Variants in RNASE10 observed in about 807,000 individuals in gnomAD.
RNASE10 encodes the protein ribonuclease A family member 10 (inactive).
Under a neutral mutation model 1.1 loss-of-function variants are expected in RNASE10, and 2 were observed. The ratio of observed to expected loss-of-function variants is 1.82; its 90% CI spans 0.74 to 5.73. The LOEUF is 5.73. RNASE10 is among the 30% of genes most tolerant of loss of function. The probability of loss-of-function intolerance (pLI) is 0.05; values close to 1 mark genes in which losing one functional copy is unlikely to be tolerated. For missense variants in RNASE10, 276 were observed against 263.4 expected (o/e 1.05, Z -0.33); for synonymous variants, 97 against 96.2 (o/e 1.01, Z -0.05).
At chr14:20,509,045 A>T (rs1041878303) in intron 1 of RNASE10, among the ~76,000 whole-genome samples, 1 of 152,076 alleles carries the variant, frequency 6.6e-6, no homozygotes, top group African/African-American at 2.4e-5. Flanking sequence ...CAAGACAAAG[A>T]TGCATGCTCA....
At chr14:20,511,511 A>G (rs1438757375), downstream of RNASE10, among the ~76,000 whole-genome samples, 1 of 152,178 alleles carries the variant, frequency 6.6e-6, no homozygotes, top group African/African-American at 2.4e-5. Context: ...CAACAATCAC[A>G]TAAGACTCTT....
chr14:20,510,572 T>C, exon 2 of RNASE10: 1 of 1,614,160 alleles, frequency 6.2e-7, no homozygotes. Context: ...ACAGCAGTCT[T>C]GGAGGAGAGT....
chr14:20,506,329 C>T (rs1361690025), intron 1 of RNASE10, among the ~76,000 whole-genome samples: 13 of 126,074 alleles, frequency 1.0e-4, no homozygotes, highest in Admixed American at 3.0e-4. Flanking sequence ...GTCAGCCCCC[C>T]GCCCGGCCAG....
At chr14:20,504,272 C>T (rs553906785), upstream of RNASE10, among the ~76,000 whole-genome samples, 41 of 152,204 alleles carry the variant, frequency 2.7e-4, no homozygotes, top group Admixed American at 7.9e-4. Context: ...GCACTGCTCA[C>T]GAAGAAGGAA....
At position 20,510,465 on chromosome 14, in the gene RNASE10, A is replaced by C. The variant is rs1882866112; in HGVS notation, c.80-2A>C. 5.6e-6 allele frequency: 9 copies of C among 1,603,392 alleles called. No homozygotes were observed. The highest frequency in any genetic ancestry group is 7.7e-6 in the Non-Finnish European group (9 of 1,175,870). ...TTCTTCCATTTCCCGCTTCCTCTCC[A>C]GGCAAAATGAAGCTGAATCTGGTGC... On this transcript the variant is annotated splice_acceptor_variant, in intron 1 of 1. Coordinates refer to ENST00000430083, the Ensembl canonical transcript of RNASE10. LOFTEE classifies it high-confidence loss of function.
upstream of RNASE10, among the ~76,000 whole-genome samples, chr14:20,505,000 G>A (rs1413297971): frequency 6.6e-6 from 1 of 151,964 alleles, no homozygotes; most frequent in Non-Finnish European, 1.5e-5. Context: ...ATGAAAAAGC[G>A]TTATCTGATC....
chr14:20,506,439 A>T (rs1321630159), intron 1 of RNASE10, among the ~76,000 whole-genome samples: 10 of 67,006 alleles, frequency 1.5e-4, no homozygotes, highest in Non-Finnish European at 2.5e-4. Context: ...GGGAGGGGGG[A>T]GGGGGGGTCA....
chr14:20,513,561 T>C (rs1882946942), downstream of RNASE10, among the ~76,000 whole-genome samples: 5 of 152,318 alleles, frequency 3.3e-5, no homozygotes, highest in South Asian at 1.0e-3. Flanking sequence ...AAAGTTTTTT[T>C]CAAAGTGGCC....
chr14:20,508,968 T>G (rs1882826741), intron 1 of RNASE10, among the ~76,000 whole-genome samples: 1 of 152,150 alleles, frequency 6.6e-6, no homozygotes, highest in Admixed American at 6.5e-5. Flanking sequence ...ATAATGTTCT[T>G]CATAGCAATT....
intron 1 of RNASE10, among the ~76,000 whole-genome samples, chr14:20,508,461 A>G (rs577663718): frequency 1.3e-5 from 2 of 152,300 alleles, no homozygotes; most frequent in East Asian, 1.9e-4. Context: ...TCCATGTTGT[A>G]GACACCACCC....
At chr14:20,510,337 GGTAGA>G (rs1882861981) in intron 1 of RNASE10, 125 bp from the exon 2 acceptor site, 6 of 1,363,048 alleles carry the variant, frequency 4.4e-6, no homozygotes, top group African/African-American at 1.5e-5. Context: ...CCTTGAAGAG[GGTAGA>G]GTAATGTGCA....
chr14:20,506,311 TGG>T (rs377620910), intron 1 of RNASE10, among the ~76,000 whole-genome samples: 1 of 81,552 alleles, frequency 1.2e-5, no homozygotes, highest in South Asian at 5.2e-4. Context: ...GGGAGGGAGG[TGG>T]GGGGGGTCAG....
chr14:20,510,813 G>C (rs1366504618), exon 2 of RNASE10: 2 of 1,614,170 alleles, frequency 1.2e-6, no homozygotes, highest in South Asian at 2.2e-5. Flanking sequence ...GGCTTGACCA[G>C]ACAGATAGAG....
upstream of RNASE10, among the ~76,000 whole-genome samples, chr14:20,504,667 G>C (rs977506133): frequency 1.6e-5 from 2 of 127,190 alleles, no homozygotes; most frequent in African/African-American, 6.1e-5. Flanking sequence ...CAGCCTGGGC[G>C]ACAGAGAGAG....
upstream of RNASE10, among the ~76,000 whole-genome samples, chr14:20,505,276 CCCTCTCCCTCTCCCTCT>C: frequency 1.0e-4 from 1 of 9,780 alleles, no homozygotes; most frequent in Non-Finnish European, 2.0e-4. Context: ...CTCTCCCTCT[CCCTCTCCCTCTCCCTCT>C]CCCTCTCCCT....
At chr14:20,508,430 A>C (rs1195504343) in intron 1 of RNASE10, among the ~76,000 whole-genome samples, 1 of 152,292 alleles carries the variant, frequency 6.6e-6, no homozygotes, top group East Asian at 1.9e-4. Context: ...TGGGATGTGA[A>C]CCATCCCTTT....
chr14:20,507,725 C>CTTATTTATTTATTTAT (rs71112513), intron 1 of RNASE10, among the ~76,000 whole-genome samples: 2 of 146,132 alleles, frequency 1.4e-5, no homozygotes, highest in Admixed American at 6.9e-5. Flanking sequence ...TTAAACTTCC[C>CTTATTTATTTATTTAT]TTATTTATTT....
At chr14:20,505,415 C>T (rs1882675652), upstream of RNASE10, 1 of 79,828 alleles carries the variant, frequency 1.3e-5, no homozygotes, top group South Asian at 5.4e-4. Flanking sequence ...ACCTCCCTGC[C>T]TGATTCTCCT....
At chr14:20,509,736 CT>C (rs1291697233) in intron 1 of RNASE10, among the ~76,000 whole-genome samples, 6 of 152,080 alleles carry the variant, frequency 3.9e-5, no homozygotes, top group African/African-American at 1.4e-4. Flanking sequence ...GACAATAAGG[CT>C]TTCTACAAGA....
Sources: gnomAD v4.1 joint callset for allele counts (sites outside exome capture counted in the v4.1 genomes callset) on GRCh38, gnomAD v4.1.1 for gene constraint, MANE v1.5 for transcripts, NCBI Gene and HGNC (gene_info 2026-07-23, HGNC 2026-07-21) for gene names.